Variants in LAMB4 observed in about 807,000 individuals in gnomAD.
The protein encoded by LAMB4 is laminin subunit beta 4, also known as laminin subunit beta-4.
LAMB4 carries 196 observed loss-of-function variants against 199.2 expected under a neutral mutation model. That is an observed-to-expected ratio of 0.98 (90% CI 0.88 to 1.11). LAMB4 has a LOEUF of 1.11. Among genes scored for constraint, LAMB4 ranks in the 50% least tolerant of loss-of-function variants. The probability of loss-of-function intolerance (pLI) is 0.00; values close to 1 mark genes in which losing one functional copy is unlikely to be tolerated. For missense variants in LAMB4, 2,080 were observed against 2,171.2 expected, an observed-to-expected ratio of 0.96 and a Z score of 0.83; for synonymous variants, 744 against 770.6, an observed-to-expected ratio of 0.97 and a Z score of 0.57.
intron 30 of LAMB4, among the ~76,000 whole-genome samples, chr7:108,035,256 G>A (rs117775790): frequency 0.015 from 2,320 of 152,048 alleles, 26 homozygotes; most frequent in Middle Eastern, 0.044. Flanking sequence ...ATTTACGACT[G>A]CAGGCCAGGC....
At chr7:108,087,713 G>A (rs1258070440) in intron 14 of LAMB4, among the ~76,000 whole-genome samples, 1 of 141,914 alleles carries the variant, frequency 7.0e-6, no homozygotes, top group Non-Finnish European at 1.5e-5. Flanking sequence ...CCATGTAAGA[G>A]GAGAGCCACT....
intron 2 of LAMB4, 130 bp downstream of exon 2, chr7:108,122,998 CACA>C (rs1451327894): frequency 1.2e-5 from 8 of 688,850 alleles, no homozygotes; most frequent in African/African-American, 3.7e-5. Context: ...GACACAATTA[CACA>C]ACAACAACAG....
At chr7:108,110,761 C>G (rs972704276) in intron 4 of LAMB4, among the ~76,000 whole-genome samples, 1 of 152,142 alleles carries the variant, frequency 6.6e-6, no homozygotes, top group African/African-American at 2.4e-5. Context: ...ATCAGGAGGA[C>G]AGGTGGCTGT....
At chr7:108,099,093 A>T (rs378962) in intron 10 of LAMB4, among the ~76,000 whole-genome samples, 1 of 152,118 alleles carries the variant, frequency 6.6e-6, no homozygotes, top group Non-Finnish European at 1.5e-5. Flanking sequence ...CCTCTATCAC[A>T]GAAAAATATG....
At chr7:108,085,071 C>G (rs2037117299) in intron 14 of LAMB4, among the ~76,000 whole-genome samples, 1 of 152,142 alleles carries the variant, frequency 6.6e-6, no homozygotes, top group Admixed American at 6.5e-5. Context: ...GACTTCCCTG[C>G]GTTAGCCAAC....
chr7:108,098,386 C>A lies in LAMB4; in HGVS notation c.1360+17G>T. 1.0e-5 allele frequency: 15 copies of A among 1,489,030 alleles called. No individual in the cohort carries two copies. The highest frequency in any genetic ancestry group is 1.3e-5 in the Non-Finnish European group (15 of 1,112,324). The allele number at this position is 1,489,030 out of a possible 1,614,324, so 92.2% of individuals were successfully genotyped here. Reference sequence around the variant, plus strand: ...GGGGTTGATGGACACTCCCCCGACCCCCGATTATGGACTTACGCTGGCAGC... The same window carrying A: ...GGGGTTGATGGACACTCCCCCGACCACCGATTATGGACTTACGCTGGCAGC... On this transcript the variant is annotated intron_variant, in intron 11 of 33. Coordinates refer to ENST00000388781, the MANE Select transcript of LAMB4 (RefSeq NM_007356.3).
intron 29 of LAMB4, among the ~76,000 whole-genome samples, chr7:108,039,461 A>G (rs1409647725): frequency 6.9e-6 from 1 of 145,092 alleles, no homozygotes; most frequent in Non-Finnish European, 1.5e-5. Context: ...AAGAAACAGT[A>G]CTTTCTTTCT....
intron 18 of LAMB4, 74 bp downstream of exon 18, chr7:108,069,634 A>G: frequency 7.1e-7 from 1 of 1,405,748 alleles, no homozygotes; most frequent in Non-Finnish European, 9.8e-7. Flanking sequence ...GGATGCTAAC[A>G]TAAATTGATT....
chr7:108,082,531 T>C (rs966898384), intron 14 of LAMB4, among the ~76,000 whole-genome samples: 2 of 152,110 alleles, frequency 1.3e-5, no homozygotes, highest in African/African-American at 4.8e-5. Context: ...CTTGTTAGAA[T>C]AGGGACATAT....
chr7:108,111,581 A>C (rs1384213820), intron 4 of LAMB4, among the ~76,000 whole-genome samples: 2 of 152,204 alleles, frequency 1.3e-5, no homozygotes, highest in South Asian at 2.1e-4. Context: ...GGAAAGAGTG[A>C]AACATTCTGA....
intron 5 of LAMB4, among the ~76,000 whole-genome samples, chr7:108,108,729 TA>T (rs997044987): frequency 4.6e-5 from 7 of 152,132 alleles, no homozygotes; most frequent in African/African-American, 1.7e-4. Context: ...ACATCAAAAT[TA>T]GAATTTTCCT....
chr7:108,055,018 AAT>A (rs1346554151), intron 25 of LAMB4, among the ~76,000 whole-genome samples: 1 of 152,204 alleles, frequency 6.6e-6, no homozygotes, highest in Non-Finnish European at 1.5e-5. Flanking sequence ...CATTGAAAAA[AAT>A]ATGTTGTTTT....
chr7:108,119,291 C>G (rs1284806962), intron 2 of LAMB4, among the ~76,000 whole-genome samples: 1 of 152,148 alleles, frequency 6.6e-6, no homozygotes, highest in Non-Finnish European at 1.5e-5. Context: ...GTATTTATCG[C>G]AGAGAAATTA....
At position 108,095,217 on chromosome 7, in the gene LAMB4, C is replaced by T. The variant is rs375873407; in HGVS notation, c.1470+11G>A. 1 of 1,594,870 alleles carries T rather than the reference C, an allele frequency of 6.3e-7. No homozygotes were observed. Among genetic ancestry groups the T allele is most frequent in the Non-Finnish European group, 8.6e-7 (1 of 1,163,172 alleles). ...CACTATAGAAAAGGGAAACTATAGG[C>T]AAATACATACAGTGCATTCTTCGCA... On this transcript the variant is annotated intron_variant, in intron 12 of 33. Coordinates refer to ENST00000388781, the MANE Select transcript of LAMB4 (RefSeq NM_007356.3).
At chr7:108,103,649 G>A (rs768695685) in intron 9 of LAMB4, among the ~76,000 whole-genome samples, 65 of 152,150 alleles carry the variant, frequency 4.3e-4, no homozygotes, top group Non-Finnish European at 8.2e-4. Flanking sequence ...AGAGGAAACC[G>A]GCCTGGCCCC....
At chr7:108,018,363 A>G in the LAMB4 span, among the ~76,000 whole-genome samples, 17 of 152,320 alleles carry the variant, frequency 1.1e-4, no homozygotes, top group Middle Eastern at 3.4e-3. Flanking sequence ...GGAGCGTGCC[A>G]TCAGGGCATC....
chr7:108,060,474 G>T (rs2036124649), intron 23 of LAMB4, among the ~76,000 whole-genome samples: 1 of 152,102 alleles, frequency 6.6e-6, no homozygotes. Context: ...TCCAGATCTT[G>T]GTTTCTAATA....
chr7:108,034,199 G>T lies in LAMB4; in HGVS notation c.4818+9C>A. ...CCTATTTCAGGTTAGTTTCAAAGAA[G>T]ACAAATACCTGCAGCACATTCTTTT... On this transcript the variant is annotated intron_variant, in intron 31 of 33. Coordinates refer to ENST00000388781, the MANE Select transcript of LAMB4 (RefSeq NM_007356.3). 1.2e-6 allele frequency: 2 copies of T among 1,613,786 alleles called. No individual in the cohort carries two copies. The highest frequency in any genetic ancestry group is 1.1e-5 in the South Asian group (1 of 91,048).
At chr7:108,072,692 T>A (rs1246746921) in intron 17 of LAMB4, among the ~76,000 whole-genome samples, 1 of 151,966 alleles carries the variant, frequency 6.6e-6, no homozygotes, top group Non-Finnish European at 1.5e-5. Context: ...AGAACCGGGG[T>A]GGCAGGGATA....
Sources: allele counts gnomAD v4.1 joint callset (sites outside exome capture counted in the v4.1 genomes callset), GRCh38; gene constraint gnomAD v4.1.1; transcripts MANE v1.5; gene names NCBI Gene and HGNC (gene_info 2026-07-23, HGNC 2026-07-21).